Variants in SP140L observed in about 807,000 individuals in gnomAD.
SP140L encodes SP140 like nuclear body protein.
SP140L carries 64 observed loss-of-function variants against 84.3 expected under a neutral mutation model. The ratio of observed to expected loss-of-function variants is 0.76; its 90% CI spans 0.62 to 0.94. The LOEUF is 0.94. SP140L is among the 40% of genes least tolerant of loss of function. SP140L has a pLI of 0.00. For synonymous variants in SP140L, 242 were observed against 236.9 expected (o/e 1.02, Z -0.20); for missense variants, 628 against 692.5 (o/e 0.91, Z 1.05).
At chr2:230,328,685 A>T (rs1389240037) in intron 1 of SP140L, 72 bp from the exon 2 acceptor site, 1 of 1,566,180 alleles carries the variant, frequency 6.4e-7, no homozygotes, top group East Asian at 2.3e-5. Flanking sequence ...CTAAACCTTA[A>T]AAAGTGGAAT....
At chr2:230,364,153 G>A (rs2060801493) in intron 5 of SP140L, among the ~76,000 whole-genome samples, 1 of 152,022 alleles carries the variant, frequency 6.6e-6, no homozygotes, top group South Asian at 2.1e-4. Context: ...GGGGTCTCTT[G>A]TGCTTTTATA....
At chr2:230,369,986 C>G (rs990493348) in intron 5 of SP140L, among the ~76,000 whole-genome samples, 1 of 148,004 alleles carries the variant, frequency 6.8e-6, no homozygotes, top group Non-Finnish European at 1.5e-5. Flanking sequence ...GTTGGCCAGG[C>G]TGGTCTTGAA....
intron 18 of SP140L, among the ~76,000 whole-genome samples, chr2:230,402,407 T>C (rs1307562293): frequency 1.3e-5 from 2 of 152,256 alleles, no homozygotes; most frequent in Non-Finnish European, 2.9e-5. Flanking sequence ...GAAAGGATCA[T>C]GCTGGTGAGA....
chr2:230,384,784 C>T (rs1205586478), intron 8 of SP140L, among the ~76,000 whole-genome samples: 1 of 151,892 alleles, frequency 6.6e-6, no homozygotes, highest in African/African-American at 2.4e-5. Context: ...TGGTGGCGGG[C>T]GCCTATAATC....
At chr2:230,394,216 C>G (rs563575792) in intron 13 of SP140L, among the ~76,000 whole-genome samples, 1 of 152,320 alleles carries the variant, frequency 6.6e-6, no homozygotes, top group Non-Finnish European at 1.5e-5. Context: ...ATTTTTCCTT[C>G]ACTTAAGAAC....
intron 14 of SP140L, among the ~76,000 whole-genome samples, chr2:230,397,424 C>G (rs1461758219): frequency 6.6e-6 from 1 of 152,156 alleles, no homozygotes; most frequent in Non-Finnish European, 1.5e-5. Flanking sequence ...CCATCACGAC[C>G]TAGCAAATCC....
At chr2:230,349,147 CATTT>C (rs2060292900) in intron 2 of SP140L, among the ~76,000 whole-genome samples, 1 of 152,208 alleles carries the variant, frequency 6.6e-6, no homozygotes. Context: ...ATCTTTTCCT[CATTT>C]AATTGCCTTG....
chr2:230,339,861 T>C (rs1211262995), intron 2 of SP140L, among the ~76,000 whole-genome samples: 154 of 146,400 alleles, frequency 1.1e-3, no homozygotes, highest in African/African-American at 3.8e-3. Context: ...GTCTGAGAGA[T>C]AGTTTGTTAT....
At chr2:230,383,626 G>C (rs536259986) in intron 8 of SP140L, 51 bp downstream of exon 8, 82 of 1,544,222 alleles carry the variant, frequency 5.3e-5, no homozygotes, top group Non-Finnish European at 6.9e-5. Flanking sequence ...TTAAGGCGCT[G>C]TCCATTGTAT....
At chr2:230,351,851 T>C (rs1301083663) in intron 2 of SP140L, among the ~76,000 whole-genome samples, 4 of 152,190 alleles carry the variant, frequency 2.6e-5, no homozygotes, top group Admixed American at 6.5e-5. Context: ...TTTGTCATGT[T>C]ACCCAGACTT....
In SP140L at chr2:230,390,025, T is replaced by G. The variant is rs2061736179; in HGVS notation, c.964+2T>G. On this transcript the variant is annotated splice_donor_variant, in intron 11 of 18. Transcript: ENST00000415673. LOFTEE classifies it high-confidence loss of function. ...TACATAAGGAGAAATTGGAACAAGGTGGGTTTCATAGTCTTCTTTAATTTG... is the reference window on the plus strand; with the variant it reads ...TACATAAGGAGAAATTGGAACAAGGGGGGTTTCATAGTCTTCTTTAATTTG... The G allele has an allele frequency of 4.3e-6, 7 of 1,612,078 alleles. No homozygotes were observed. Among genetic ancestry groups the G allele is most frequent in the Non-Finnish European group, 5.1e-6 (6 of 1,178,704 alleles).
intron 2 of SP140L, among the ~76,000 whole-genome samples, chr2:230,340,002 T>C (rs922633176): frequency 6.1e-5 from 9 of 148,668 alleles, no homozygotes; most frequent in Admixed American, 2.0e-4. Flanking sequence ...AGATGTCTAT[T>C]AGGTCCGCTT....
At chr2:230,359,496 T>C (rs1434171799) in intron 4 of SP140L, among the ~76,000 whole-genome samples, 1 of 152,174 alleles carries the variant, frequency 6.6e-6, no homozygotes, top group Non-Finnish European at 1.5e-5. Context: ...ACTACCTGCC[T>C]TGAGTGACAG....
chr2:230,380,808 G>C (rs971840437), intron 7 of SP140L, among the ~76,000 whole-genome samples: 7 of 152,136 alleles, frequency 4.6e-5, no homozygotes, highest in African/African-American at 1.7e-4. Flanking sequence ...GGATGTATCA[G>C]TAATTTGTTT....
intron 12 of SP140L, 84 bp downstream of exon 12, chr2:230,392,313 G>C: frequency 6.3e-7 from 1 of 1,587,232 alleles, no homozygotes. Flanking sequence ...CCAAATATTT[G>C]TTAGGTTATA....
rs111767580 is a variant in SP140L at position 230,361,603 on chromosome 2, C to T, written c.440-11C>T. ...ATCTTTAATTGCTTTCTTCTCTCTCCCACTCTTCAGCAATCCAAGACAAAT... is the reference window on the plus strand; with the variant it reads ...ATCTTTAATTGCTTTCTTCTCTCTCTCACTCTTCAGCAATCCAAGACAAAT... On this transcript the variant is annotated splice_polypyrimidine_tract_variant and intron_variant, in intron 4 of 18. Transcript: ENST00000415673. 1,729 of 1,552,870 alleles carry T rather than the reference C, an allele frequency of 1.1e-3. 1 individual carries two copies. Among genetic ancestry groups the T allele is most frequent in the Admixed American group, 1.8e-3 (93 of 51,362 alleles).
At chr2:230,331,914 A>C (rs1214441885) in intron 2 of SP140L, among the ~76,000 whole-genome samples, 1 of 152,084 alleles carries the variant, frequency 6.6e-6, no homozygotes, top group East Asian at 1.9e-4. Flanking sequence ...GCTCTTTTTC[A>C]GAATTTATAC....
At chr2:230,356,482 G>A (rs982589334) in intron 2 of SP140L, among the ~76,000 whole-genome samples, 3 of 152,174 alleles carry the variant, frequency 2.0e-5, no homozygotes, top group Admixed American at 2.0e-4. Flanking sequence ...AGACACAAAA[G>A]CATGTATATG....
chr2:230,354,092 T>C (rs944925059), intron 2 of SP140L, among the ~76,000 whole-genome samples: 1 of 152,178 alleles, frequency 6.6e-6, no homozygotes, highest in African/African-American at 2.4e-5. Context: ...CCATTTGGAA[T>C]TTCCCCCCAT....
Sources: gnomAD v4.1 joint callset for allele counts (sites outside exome capture counted in the v4.1 genomes callset) on GRCh38, gnomAD v4.1.1 for gene constraint, MANE v1.5 for transcripts, NCBI Gene and HGNC (gene_info 2026-07-23, HGNC 2026-07-21) for gene names.